Variants in GABRG3 observed in about 807,000 individuals in gnomAD.
GABRG3 encodes gamma-aminobutyric acid receptor subunit gamma-3.
GABRG3 carries 25 observed loss-of-function variants against 48.8 expected under a neutral mutation model. That is an observed-to-expected ratio of 0.51 (90% CI 0.37 to 0.72). The LOEUF (loss-of-function observed/expected upper bound fraction) is 0.72. Among genes scored for constraint, GABRG3 ranks in the 30% least tolerant of loss-of-function variants. The probability of loss-of-function intolerance (pLI) is 0.00; values close to 1 mark genes in which losing one functional copy is unlikely to be tolerated. For missense variants in GABRG3, 394 were observed against 577.9 expected (o/e 0.68, Z 3.26); for synonymous variants, 227 against 217.6 (o/e 1.04, Z -0.38).
chr15:27,390,624 A>G (rs1278589524), intron 5 of GABRG3, among the ~76,000 whole-genome samples: 1 of 152,140 alleles, frequency 6.6e-6, no homozygotes, highest in Non-Finnish European at 1.5e-5. Context: ...CGTCCCTCCC[A>G]TCTATGTTGG....
intron 6 of GABRG3, among the ~76,000 whole-genome samples, chr15:27,516,021 G>A (rs1045033398): frequency 1.3e-5 from 2 of 150,258 alleles, no homozygotes; most frequent in Non-Finnish European, 3.0e-5. Context: ...CAGAAACCTA[G>A]AATTTAAAAA....
At chr15:27,030,963 A>G (rs1376525741) in intron 3 of GABRG3, among the ~76,000 whole-genome samples, 1 of 152,096 alleles carries the variant, frequency 6.6e-6, no homozygotes, top group Non-Finnish European at 1.5e-5. Flanking sequence ...TGTGTTTTTT[A>G]AAAGAATTAA....
chr15:27,372,467 A>T (rs959926487), intron 5 of GABRG3, among the ~76,000 whole-genome samples: 4 of 152,156 alleles, frequency 2.6e-5, no homozygotes, highest in Non-Finnish European at 5.9e-5. Flanking sequence ...GTCATAGCTT[A>T]CTGCAGTCTC....
chr15:27,339,924 T>G (rs904849905), intron 5 of GABRG3, among the ~76,000 whole-genome samples: 4 of 152,130 alleles, frequency 2.6e-5, no homozygotes, highest in African/African-American at 9.7e-5. Context: ...ATCGTGCCCC[T>G]TCCTCAAACA....
At chr15:27,403,943 C>T (rs939699809) in intron 5 of GABRG3, among the ~76,000 whole-genome samples, 4 of 145,932 alleles carry the variant, frequency 2.7e-5, no homozygotes, top group East Asian at 2.0e-4. Flanking sequence ...AAAAAAAAAC[C>T]GGGCTTGGTA....
At chr15:27,428,766 G>A (rs978414582) in intron 5 of GABRG3, among the ~76,000 whole-genome samples, 3 of 152,162 alleles carry the variant, frequency 2.0e-5, no homozygotes, top group African/African-American at 7.2e-5. Flanking sequence ...ACAGCAAGGA[G>A]GGCATGTGGT....
chr15:27,358,991 A>G (rs1299939048), intron 5 of GABRG3, among the ~76,000 whole-genome samples: 1 of 152,232 alleles, frequency 6.6e-6, no homozygotes, highest in African/African-American at 2.4e-5. Context: ...GGGCGAACGC[A>G]GGCTCAGCGC....
chr15:27,082,096 A>G (rs1411313795), intron 3 of GABRG3, among the ~76,000 whole-genome samples: 1 of 152,226 alleles, frequency 6.6e-6, no homozygotes, highest in Non-Finnish European at 1.5e-5. Flanking sequence ...CTCTGTGGTC[A>G]AGATTCCCTT....
chr15:27,471,802 A>C (rs919730044), intron 5 of GABRG3, among the ~76,000 whole-genome samples: 2 of 152,178 alleles, frequency 1.3e-5, no homozygotes, highest in Non-Finnish European at 2.9e-5. Flanking sequence ...ATCCCAAGAG[A>C]AGTTTCATCT....
At chr15:27,061,778 T>C (rs1176565843) in intron 3 of GABRG3, among the ~76,000 whole-genome samples, 1 of 152,116 alleles carries the variant, frequency 6.6e-6, no homozygotes, top group East Asian at 1.9e-4. Context: ...ATAAATTGCA[T>C]TCCAGTAGCA....
chr15:27,430,994 A>G (rs1888432990), intron 5 of GABRG3, among the ~76,000 whole-genome samples: 2 of 91,922 alleles, frequency 2.2e-5, no homozygotes, highest in African/African-American at 1.2e-4. Flanking sequence ...TGTCTCAATA[A>G]ATAAATAAAT....
At chr15:26,981,725 G>A (rs1005730120) in intron 2 of GABRG3, among the ~76,000 whole-genome samples, 4 of 152,180 alleles carry the variant, frequency 2.6e-5, no homozygotes, top group Middle Eastern at 3.2e-3. Flanking sequence ...CAGACGCACC[G>A]TCGGCAGGAT....
intron 2 of GABRG3, among the ~76,000 whole-genome samples, chr15:27,004,612 G>T (rs1566906606): frequency 6.6e-6 from 1 of 152,198 alleles, no homozygotes; most frequent in Non-Finnish European, 1.5e-5. Flanking sequence ...GGAGGTGGAG[G>T]TTGTAGCCAG....
At chr15:27,223,149 A>T (rs182053642) in intron 3 of GABRG3, among the ~76,000 whole-genome samples, 155 of 152,346 alleles carry the variant, frequency 1.0e-3, no homozygotes, top group African/African-American at 3.6e-3. Context: ...TTTTAATCCA[A>T]TATTAATGTG....
intron 3 of GABRG3, among the ~76,000 whole-genome samples, chr15:27,194,045 A>G (rs1350339739): frequency 6.6e-6 from 1 of 152,146 alleles, no homozygotes; most frequent in African/African-American, 2.4e-5. Context: ...ATCTTAACTT[A>G]TTTATAATGT....
intron 3 of GABRG3, among the ~76,000 whole-genome samples, chr15:27,114,432 T>G (rs973078725): frequency 2.9e-4 from 44 of 152,330 alleles, no homozygotes; most frequent in African/African-American, 1.0e-3. Context: ...TAGCTGTGCA[T>G]TCTTTCTCCC....
At chr15:27,003,214 T>TATTC (rs1895489816) in intron 2 of GABRG3, among the ~76,000 whole-genome samples, 1 of 133,954 alleles carries the variant, frequency 7.5e-6, no homozygotes, top group African/African-American at 2.5e-5. Context: ...TTTATTTATT[T>TATTC]ATTTATTTAT....
At chr15:27,059,639 T>C (rs1293066584) in intron 3 of GABRG3, among the ~76,000 whole-genome samples, 1 of 152,240 alleles carries the variant, frequency 6.6e-6, no homozygotes, top group Admixed American at 6.5e-5. Context: ...CTATGTTAGA[T>C]GTCCAAGAGA....
chr15:27,289,859 A>G (rs1891740146), intron 3 of GABRG3, among the ~76,000 whole-genome samples: 1 of 152,220 alleles, frequency 6.6e-6, no homozygotes, highest in Non-Finnish European at 1.5e-5. Flanking sequence ...AGATATGTGT[A>G]TATACGTGGA....
Sources: gnomAD v4.1 joint callset for allele counts (sites outside exome capture counted in the v4.1 genomes callset) on GRCh38, gnomAD v4.1.1 for gene constraint, MANE v1.5 for transcripts, NCBI Gene and HGNC (gene_info 2026-07-23, HGNC 2026-07-21) for gene names.